The following MAP3K19 variants were observed in gnomAD, a reference collection of about 807,000 sequenced individuals.
The protein encoded by MAP3K19 is mitogen-activated protein kinase kinase kinase 19, also known as SPS1/STE20-related protein kinase YSK4.
MAP3K19 carries 91 observed loss-of-function variants against 114.4 expected under a neutral mutation model. The ratio of observed to expected loss-of-function variants is 0.80; its 90% CI spans 0.67 to 0.95. MAP3K19 has a LOEUF of 0.95. Ranked by LOEUF, MAP3K19 falls within the 40% of genes least tolerant of loss-of-function variation. MAP3K19 has a pLI of 0.00. For missense variants in MAP3K19, 1,471 were observed against 1,573.2 expected (o/e 0.94, Z 1.10); for synonymous variants, 518 against 530.5 (o/e 0.98, Z 0.32).
chr2:134,964,997 T>A, intron 12 of MAP3K19, 81 bp from the exon 13 acceptor site: 1 of 1,065,726 alleles, frequency 9.4e-7, no homozygotes, highest in Non-Finnish European at 1.4e-6. Context: ...TGTGAACTTT[T>A]AAAGACGGAA....
At chr2:134,988,346 T>C (rs1276334062) in intron 9 of MAP3K19, 93 bp from the exon 10 acceptor site, 2 of 1,078,786 alleles carry the variant, frequency 1.9e-6, no homozygotes, top group Non-Finnish European at 2.5e-6. Context: ...TATAATATCC[T>C]CTTAAGGAAG....
At chr2:135,032,759 A>G (rs537665060) in intron 2 of MAP3K19, among the ~76,000 whole-genome samples, 1,690 of 143,694 alleles carry the variant, frequency 0.012, 10 homozygotes, top group Middle Eastern at 0.017. Flanking sequence ...AGGACCCTGC[A>G]GCCTTCCGCA....
chr2:135,030,204 G>A (rs979050308), intron 3 of MAP3K19, 108 bp downstream of exon 3: 1 of 152,170 alleles, frequency 6.6e-6, no homozygotes, highest in African/African-American at 2.4e-5. Flanking sequence ...AACTTCCTAG[G>A]ATTATATTTG....
In MAP3K19 at chr2:135,021,712, T is replaced by G; in HGVS notation, c.138+3A>C. On this transcript the variant is annotated splice_donor_region_variant and intron_variant, in intron 5 of 12. Transcript: ENST00000392915. Reference sequence around the variant, plus strand: ...CGTTGTTTCTTTAAAGGGAGGCTCTTACCTCACTTCTGCTGATGCTTTGCA... The same window carrying G: ...CGTTGTTTCTTTAAAGGGAGGCTCTGACCTCACTTCTGCTGATGCTTTGCA... 1.9e-6 allele frequency: 3 copies of G among 1,577,382 alleles called. No individual in the cohort carries two copies. The highest frequency in any genetic ancestry group is 2.6e-6 in the Non-Finnish European group (3 of 1,149,412).
chr2:135,023,592 C>T, intron 4 of MAP3K19: 1 of 520,042 alleles, frequency 1.9e-6, no homozygotes, highest in Admixed American at 2.0e-5. Flanking sequence ...ATCTTTGACT[C>T]AAGTTTCTCA....
In MAP3K19 at chr2:134,986,543, G is replaced by A; in HGVS notation, c.2329C>T (p.Leu777=). The A allele has an allele frequency of 6.2e-7, 1 of 1,614,140 alleles. No homozygotes were observed. Among genetic ancestry groups the A allele is most frequent in the South Asian group, 1.1e-5 (1 of 91,058 alleles). ...GGATGAATTTCATCTTTGGAAGATA[G>A]AAACTCATTTCCTGAAGACTTTATC... ...WQIKSSGNEF[L]SSKDEIHPMN... The change falls in exon 10 of 13, where the codon CTA becomes TTA. Residue 777 remains leucine (L), a synonymous_variant. Transcript: ENST00000392915.
At chr2:134,998,558 T>C (rs1686195744) in intron 8 of MAP3K19, among the ~76,000 whole-genome samples, 180 bp downstream of exon 8, 1 of 152,226 alleles carries the variant, frequency 6.6e-6, no homozygotes, top group South Asian at 2.1e-4. Flanking sequence ...TTTACTTGTT[T>C]ACTAGTTTAT....
At chr2:135,021,637 T>C (rs758849607) in intron 5 of MAP3K19, 78 bp downstream of exon 5, 7 of 737,054 alleles carry the variant, frequency 9.5e-6, no homozygotes. Context: ...ATATGAGTGT[T>C]ATGAAGTATT....
Position 134,986,162 on chromosome 2 carries a change from T to C in MAP3K19, c.2710A>G (p.Thr904Ala). 6.2e-7 allele frequency: 1 copy of C among 1,613,814 alleles called. No homozygotes were observed. The highest frequency in any genetic ancestry group is 8.5e-7 in the Non-Finnish European group (1 of 1,179,946). Residue 904 changes from threonine to alanine, a missense_variant, in exon 10 of 13, where the codon ACA becomes GCA. Physicochemically the swap from Thr to Ala is moderately conservative, Grantham distance 58 (BLOSUM62 0). Transcript: ENST00000392915. ...DSVSDHSKTLTNFSFQAKQES... is the reference protein window; with the variant it reads ...DSVSDHSKTLANFSFQAKQES... ...TGTTTTGCTTGGAAAGAGAAATTTG[T>C]AAGTGTTTTAGAGTGATCTGAAACA...
chr2:134,965,646 A>C (rs1683280903), intron 12 of MAP3K19, among the ~76,000 whole-genome samples: 1 of 152,162 alleles, frequency 6.6e-6, no homozygotes, highest in Non-Finnish European at 1.5e-5. Flanking sequence ...AGGCTTTAAC[A>C]ACCAGGTAAC....
intron 12 of MAP3K19, among the ~76,000 whole-genome samples, chr2:134,977,497 G>A (rs1001719200): frequency 2.7e-5 from 4 of 150,698 alleles, no homozygotes; most frequent in African/African-American, 4.9e-5. Flanking sequence ...CGAGTAGCTG[G>A]GACTACAGGT....
intron 8 of MAP3K19, among the ~76,000 whole-genome samples, chr2:134,997,048 C>G (rs1403589554): frequency 6.6e-6 from 1 of 151,998 alleles, no homozygotes; most frequent in African/African-American, 2.4e-5. Context: ...GAATGTGTCT[C>G]AAACAAACCA....
At chr2:135,028,514 C>T (rs1216445034) in intron 3 of MAP3K19, among the ~76,000 whole-genome samples, 6 of 149,562 alleles carry the variant, frequency 4.0e-5, no homozygotes, top group East Asian at 2.0e-4. Flanking sequence ...GCTGTGATCA[C>T]GCCACTGCAC....
chr2:135,013,761 C>T (rs1244209142), intron 5 of MAP3K19, among the ~76,000 whole-genome samples: 3 of 152,206 alleles, frequency 2.0e-5, no homozygotes, highest in African/African-American at 7.2e-5. Flanking sequence ...GCTCCCTGCC[C>T]CCACCCCAAT....
At chr2:134,984,491 C>T (rs973773442) in intron 10 of MAP3K19, among the ~76,000 whole-genome samples, 1 of 152,076 alleles carries the variant, frequency 6.6e-6, no homozygotes, top group Non-Finnish European at 1.5e-5. Context: ...TGTGCAGCAA[C>T]CAACCCAGGA....
intron 5 of MAP3K19, among the ~76,000 whole-genome samples, chr2:135,014,370 A>G (rs1434322622): frequency 6.6e-6 from 1 of 152,030 alleles, no homozygotes; most frequent in Admixed American, 6.5e-5. Flanking sequence ...CCAAAAAAGA[A>G]GAAAAGAAAA....
At chr2:135,041,091 C>A (rs997284215) in intron 1 of MAP3K19, among the ~76,000 whole-genome samples, 10 of 151,412 alleles carry the variant, frequency 6.6e-5, no homozygotes, top group Non-Finnish European at 1.5e-4. Context: ...ATACGTATTT[C>A]CTTTCTGAAA....
chr2:134,978,281 G>T (rs571435812), intron 12 of MAP3K19, among the ~76,000 whole-genome samples: 1 of 151,846 alleles, frequency 6.6e-6, no homozygotes, highest in East Asian at 1.9e-4. Flanking sequence ...CAACTTCCGG[G>T]GTCAAGCGAT....
chr2:135,027,009 G>A (rs753323894), intron 3 of MAP3K19, among the ~76,000 whole-genome samples: 1 of 152,196 alleles, frequency 6.6e-6, no homozygotes, highest in Admixed American at 6.5e-5. Context: ...AGCTTGGGAG[G>A]CCAAGATGGG....
Sources: gnomAD v4.1 joint callset for allele counts (sites outside exome capture counted in the v4.1 genomes callset) on GRCh38, gnomAD v4.1.1 for gene constraint, MANE v1.5 for transcripts, NCBI Gene and HGNC (gene_info 2026-07-23, HGNC 2026-07-21) for gene names.